EIF4ENIF1: variants seen among roughly 807,000 people sequenced by gnomAD.
The protein encoded by EIF4ENIF1 is eukaryotic translation initiation factor 4E nuclear import factor 1.
A neutral mutation model predicts 110.5 loss-of-function variants in EIF4ENIF1; 23 were observed. The ratio of observed to expected loss-of-function variants is 0.21; its 90% confidence interval spans 0.15 to 0.29. The LOEUF is 0.29. Ranked by LOEUF, EIF4ENIF1 falls within the 10% of genes least tolerant of loss-of-function variation. The probability of loss-of-function intolerance (pLI) is 1.00; values close to 1 mark genes in which losing one functional copy is unlikely to be tolerated. For synonymous variants in EIF4ENIF1, 440 were observed against 437.0 expected, an observed-to-expected ratio of 1.01 and a Z score of -0.09; for missense variants, 1,031 against 1,221.1, an observed-to-expected ratio of 0.84 and a Z score of 2.32.
chr22:31,480,101 T>C (rs1316054943), intron 2 of EIF4ENIF1, among the ~76,000 whole-genome samples: 3 of 152,156 alleles, frequency 2.0e-5, no homozygotes, highest in Non-Finnish European at 4.4e-5. Context: ...TACCTGAGAC[T>C]TCACTTTTTG....
intron 2 of EIF4ENIF1, among the ~76,000 whole-genome samples, chr22:31,479,890 T>G (rs5997999): frequency 0.024 from 3,612 of 151,868 alleles, 163 homozygotes; most frequent in African/African-American, 0.084. Context: ...TTAAAAAATT[T>G]TTTGTAGAGA....
chr22:31,482,165 CAAAA>C (rs34248099), intron 2 of EIF4ENIF1, among the ~76,000 whole-genome samples: 1 of 115,184 alleles, frequency 8.7e-6, no homozygotes, highest in East Asian at 2.3e-4. Context: ...GAGCCTGTCT[CAAAA>C]AAAAAAAAAA....
At chr22:31,479,953 C>T (rs1257838491) in intron 2 of EIF4ENIF1, among the ~76,000 whole-genome samples, 1 of 152,046 alleles carries the variant, frequency 6.6e-6, no homozygotes, top group Non-Finnish European at 1.5e-5. Flanking sequence ...CTCAAGTGAT[C>T]ATCTTGCCTC....
chr22:31,468,135 C>CA (rs1332242918), intron 4 of EIF4ENIF1, 40 bp downstream of exon 4: 4 of 1,596,698 alleles, frequency 2.5e-6, no homozygotes, highest in Admixed American at 1.7e-5. Context: ...AGCATGTCCC[C>CA]AAAATCACTA....
At position 31,455,127 on chromosome 22, in the gene EIF4ENIF1, A is replaced by G; in HGVS notation, c.1279+9T>C. On this transcript the variant is annotated intron_variant, in intron 9 of 18. Transcript: ENST00000330125. ...CAGATATCTAAAACAGATATTCATA[A>G]ACACTTACAGCTTTCTTTAAGTTTT... is the stretch of plus-strand genomic sequence containing the variant. 1 of 1,603,926 alleles carries G rather than the reference A, an allele frequency of 6.2e-7. No individual in the cohort carries two copies. Among genetic ancestry groups the G allele is most frequent in the Non-Finnish European group, 8.5e-7 (1 of 1,175,920 alleles).
intron 6 of EIF4ENIF1, among the ~76,000 whole-genome samples, chr22:31,460,300 A>G (rs2050949853): frequency 6.6e-6 from 1 of 152,220 alleles, no homozygotes; most frequent in Non-Finnish European, 1.5e-5. Flanking sequence ...GTCTTCATCA[A>G]AATGTTAAGG....
Position 31,439,800 on chromosome 22 carries a change from A to G in EIF4ENIF1, c.*80T>C. 6.4e-7 allele frequency: 1 copy of G among 1,563,520 alleles called. No individual in the cohort carries two copies. Among genetic ancestry groups the G allele is most frequent in the Non-Finnish European group, 8.6e-7 (1 of 1,163,554 alleles). Reference sequence around the variant, plus strand: ...ACAGAGTGCTCCAAAGTAAAAGCCCATAAACCAACCCGAGATGAAGCAGGG... The same window carrying G: ...ACAGAGTGCTCCAAAGTAAAAGCCCGTAAACCAACCCGAGATGAAGCAGGG... On this transcript the variant is annotated 3_prime_UTR_variant, in exon 19 of 19. Coordinates refer to ENST00000330125, the MANE Select transcript of EIF4ENIF1 (RefSeq NM_019843.4).
chr22:31,438,103 A>G (rs1407237105), downstream of EIF4ENIF1, among the ~76,000 whole-genome samples: 2 of 152,138 alleles, frequency 1.3e-5, no homozygotes, highest in East Asian at 1.9e-4. Context: ...CCAAGACTCT[A>G]CTACCCTTGT....
At chr22:31,474,840 GCAACTGC>G (rs1460410208) in intron 2 of EIF4ENIF1, among the ~76,000 whole-genome samples, 1 of 152,142 alleles carries the variant, frequency 6.6e-6, no homozygotes, top group African/African-American at 2.4e-5. Flanking sequence ...GTAAAATGCT[GCAACTGC>G]CTTGCAAAAA....
Position 31,440,070 on chromosome 22 carries a change from G to A in EIF4ENIF1, c.2768C>T (p.Thr923Ile). The change falls in exon 19 of 19, where the codon ACA becomes ATA. Residue 923 changes from threonine to isoleucine, a missense_variant. Thr to Ile is a moderately conservative substitution (Grantham distance 89, BLOSUM62 -1). Transcript: ENST00000330125. ...GSHAAAVSVQ[T>I]TPQNVPSRSG... is the part of the protein sequence containing the mutation. ...CCGGCTGGGCACGTTCTGAGGGGTTGTCTGAACGCTGACAGCTGCTGCATG... is the reference window on the plus strand; with the variant it reads ...CCGGCTGGGCACGTTCTGAGGGGTTATCTGAACGCTGACAGCTGCTGCATG... 1 of 1,614,176 alleles carries A rather than the reference G, an allele frequency of 6.2e-7. No homozygotes were observed. The highest frequency in any genetic ancestry group is 8.5e-7 in the Non-Finnish European group (1 of 1,180,018).
chr22:31,482,363 G>C (rs2051849411), intron 2 of EIF4ENIF1, among the ~76,000 whole-genome samples: 1 of 152,134 alleles, frequency 6.6e-6, no homozygotes, highest in Non-Finnish European at 1.5e-5. Context: ...AGGAAGAACA[G>C]CATAACGTAT....
In EIF4ENIF1 at chr22:31,458,716, C is replaced by A. The variant is rs771439837; in HGVS notation, c.788-66G>T. 5.6e-6 allele frequency: 8 copies of A among 1,429,398 alleles called. No homozygotes were observed. In the Admixed American group the frequency reaches 8.1e-5, roughly 15 times the overall value. 88.5% of individuals were successfully genotyped at this position (1,429,398 alleles called of 1,614,324 possible). On this transcript the variant is annotated intron_variant, in intron 6 of 18. Coordinates refer to ENST00000330125, the MANE Select transcript of EIF4ENIF1 (RefSeq NM_019843.4). ...TCACTCCAGTGTCCCTCTGTGGCTT[C>A]AGCCATCAGTATACATGTAGAAGAG...
At position 31,439,851 on chromosome 22, in the gene EIF4ENIF1, C is replaced by A; in HGVS notation, c.*29G>T. Reference sequence around the variant, plus strand: ...TCCTGCCCAGTGTGCCACCACAGGTCCGGGCTTAGTTGAGTCTGCCTGCCC... The same window carrying A: ...TCCTGCCCAGTGTGCCACCACAGGTACGGGCTTAGTTGAGTCTGCCTGCCC... On this transcript the variant is annotated 3_prime_UTR_variant, in exon 19 of 19. Transcript: ENST00000330125. 6.2e-7 allele frequency: 1 copy of A among 1,607,376 alleles called. No homozygotes were observed. Among genetic ancestry groups the A allele is most frequent in the Middle Eastern group, 1.8e-4 (1 of 5,686 alleles).
Position 31,442,871 on chromosome 22 carries a change from T to G in EIF4ENIF1, c.2206+91A>C, listed in dbSNP as rs2050346088. On this transcript the variant is annotated intron_variant, in intron 16 of 18. Coordinates refer to ENST00000330125, the MANE Select transcript of EIF4ENIF1 (RefSeq NM_019843.4). ...GAAGCTAGTGGTCTTGCCCAGGGCT[T>G]TGTATAGAATATCAGGCTGGTCAGC... 3 of 1,522,218 alleles carry G rather than the reference T, an allele frequency of 2.0e-6. No individual in the cohort carries two copies. The African/African-American group carries it at 4.2e-5, about 21-fold the overall frequency. 94.3% of individuals were successfully genotyped at this position (1,522,218 alleles called of 1,614,324 possible).
intron 2 of EIF4ENIF1, among the ~76,000 whole-genome samples, chr22:31,485,927 C>G (rs967148105): frequency 2.6e-5 from 4 of 151,950 alleles, no homozygotes; most frequent in African/African-American, 9.7e-5. Context: ...ACCAGCAACA[C>G]AGTGAAACCG....
upstream of EIF4ENIF1, among the ~76,000 whole-genome samples, chr22:31,492,070 T>C (rs1468887926): frequency 2.0e-5 from 3 of 152,186 alleles, no homozygotes; most frequent in Admixed American, 6.5e-5. Flanking sequence ...TGGTTGATGG[T>C]GGCTGTCAGC....
At chr22:31,462,067 TC>T (rs937642380) in intron 6 of EIF4ENIF1, among the ~76,000 whole-genome samples, 11 of 152,300 alleles carry the variant, frequency 7.2e-5, no homozygotes, top group African/African-American at 2.6e-4. Context: ...GTTTCTTATT[TC>T]TGGGGAACTC....
At chr22:31,461,373 T>C (rs2050989090) in intron 6 of EIF4ENIF1, among the ~76,000 whole-genome samples, 1 of 152,144 alleles carries the variant, frequency 6.6e-6, no homozygotes, top group South Asian at 2.1e-4. Context: ...TTCACACACA[T>C]TAGCTCTGGC....
intron 2 of EIF4ENIF1, among the ~76,000 whole-genome samples, 193 bp from the exon 3 acceptor site, chr22:31,472,110 A>G: frequency 6.6e-6 from 1 of 152,224 alleles, no homozygotes; most frequent in Non-Finnish European, 1.5e-5. Flanking sequence ...CCAGTAACTT[A>G]AAAGTGATCA....
Sources: gnomAD v4.1 joint callset for allele counts (sites outside exome capture counted in the v4.1 genomes callset) on GRCh38, gnomAD v4.1.1 for gene constraint, MANE v1.5 for transcripts, NCBI Gene and HGNC (gene_info 2026-07-23, HGNC 2026-07-21) for gene names.